Variants in NDUFS1 observed in about 807,000 individuals in gnomAD.
NDUFS1 encodes NADH:ubiquinone oxidoreductase core subunit S1, also known as NADH-ubiquinone oxidoreductase 75 kDa subunit, mitochondrial.
NDUFS1 carries 61 observed loss-of-function variants against 84.4 expected under a neutral mutation model. The observed-to-expected ratio is 0.72, with a 90% CI of 0.59 to 0.89. NDUFS1 has a LOEUF of 0.89. Ranked by LOEUF, NDUFS1 falls within the 40% of genes least tolerant of loss-of-function variation. The pLI, the probability that NDUFS1 is intolerant of heterozygous loss-of-function variation, is 0.00. For synonymous variants in NDUFS1, 275 were observed against 290.0 expected (o/e 0.95, Z 0.53); for missense variants, 891 against 890.0 (o/e 1.00, Z -0.01).
In NDUFS1 at chr2:206,115,535, G is replaced by GT. The variant is rs1559035300; in HGVS notation, c.*8649dup. ...CATGGTCTTCCTGGCCTCCAGAATT[G>GT]TAAGAAGTAAATTTTTTTTTTTTTT... On this transcript the variant is annotated 3_prime_UTR_variant, in exon 19 of 19. Transcript: ENST00000233190. 2.6e-5 allele frequency: 5 copies of GT among 189,584 alleles called. No homozygotes were observed. In the South Asian group the frequency reaches 4.0e-4, roughly 15 times the overall value. 11.7% of individuals were successfully genotyped at this position (189,584 alleles called of 1,614,324 possible).
At chr2:206,150,100 C>T (rs1310472306) in intron 3 of NDUFS1, among the ~76,000 whole-genome samples, 175 bp from the exon 4 acceptor site, 4 of 150,738 alleles carry the variant, frequency 2.7e-5, no homozygotes, top group African/African-American at 9.9e-5. Context: ...TGATTCTAAC[C>T]CGTCTCCTCT....
intron 8 of NDUFS1, 138 bp downstream of exon 8, chr2:206,146,765 A>G (rs1175590303): frequency 1.3e-6 from 1 of 766,290 alleles, no homozygotes; most frequent in Non-Finnish European, 2.1e-6. Context: ...CTTACCTTCT[A>G]TTTAAAGGGT....
At position 206,145,043 on chromosome 2, in the gene NDUFS1, G is replaced by A. The variant is rs766391478; in HGVS notation, c.738-17C>T. On this transcript the variant is annotated splice_polypyrimidine_tract_variant and intron_variant, in intron 8 of 18. Coordinates refer to ENST00000233190, the MANE Select transcript of NDUFS1 (RefSeq NM_005006.7). ...TCTGTCTTTCTGAGAAACACATACG[G>A]TGTTTACTATGGTGCTTTTGGGAAT... 6.2e-6 allele frequency: 10 copies of A among 1,609,012 alleles called. No homozygotes were observed. In the South Asian group the frequency reaches 1.0e-4, roughly 16 times the overall value.
chr2:206,158,975 TTA>T, intron 1 of NDUFS1: 2 of 1,067,444 alleles, frequency 1.9e-6, no homozygotes, highest in South Asian at 2.9e-5. Flanking sequence ...GGGGAAAGGC[TTA>T]GTCTTAAGGC....
intron 18 of NDUFS1, among the ~76,000 whole-genome samples, 178 bp from the exon 19 acceptor site, chr2:206,124,454 C>A (rs1277351441): frequency 2.6e-5 from 4 of 152,110 alleles, no homozygotes; most frequent in African/African-American, 9.7e-5. Context: ...CACATGCTTT[C>A]AATAACTATC....
At chr2:206,154,683 G>T (rs1687563426) in intron 1 of NDUFS1, among the ~76,000 whole-genome samples, 1 of 152,180 alleles carries the variant, frequency 6.6e-6, no homozygotes. Flanking sequence ...GAGTGCACTG[G>T]TGCAATCTCG....
At chr2:206,124,843 A>AAAAT (rs956342580) in intron 18 of NDUFS1, among the ~76,000 whole-genome samples, 50 of 152,100 alleles carry the variant, frequency 3.3e-4, no homozygotes, top group Admixed American at 1.8e-3. Flanking sequence ...TTGTCTCAAA[A>AAAAT]AAATAAATAA....
intron 12 of NDUFS1, among the ~76,000 whole-genome samples, chr2:206,141,615 C>T (rs1331765474): frequency 2.9e-5 from 4 of 138,536 alleles, no homozygotes; most frequent in East Asian, 4.3e-4. Flanking sequence ...AAAAAAGGCT[C>T]GGTGCAGTGG....
In NDUFS1 at chr2:206,147,062, T is replaced by C; in HGVS notation, c.578A>G (p.Asp193Gly). Residue 193 changes from aspartate to glycine, a missense_variant, in exon 8 of 19, where the codon GAT becomes GGT. Transcript: ENST00000233190. ...IRFASEIAGV[D>G]DLGTTGRGND... is the part of the protein sequence containing the mutation. ...TCCTCTGCCTGTTGTTCCCAAATCA[T>C]CTACTCCTGCAATCTCACTTGCAAA... The C allele has an allele frequency of 1.2e-6, 2 of 1,614,120 alleles. No individual in the cohort carries two copies. Among genetic ancestry groups the C allele is most frequent in the South Asian group, 2.2e-5 (2 of 91,080 alleles).
intron 12 of NDUFS1, among the ~76,000 whole-genome samples, chr2:206,140,185 A>T (rs1265508399): frequency 6.6e-6 from 1 of 152,142 alleles, no homozygotes. Flanking sequence ...TCTCTACAAA[A>T]GGTATTTTAA....
intron 2 of NDUFS1, 55 bp downstream of exon 2, chr2:206,153,563 A>C: frequency 1.9e-6 from 2 of 1,065,742 alleles, no homozygotes; most frequent in Non-Finnish European, 2.9e-6. Context: ...TAGACTTATA[A>C]ATTTACAAAA....
chr2:206,139,132 A>T (rs1299449005), intron 12 of NDUFS1, among the ~76,000 whole-genome samples: 1 of 147,090 alleles, frequency 6.8e-6, no homozygotes, highest in Non-Finnish European at 1.5e-5. Context: ...AAAAAATTTA[A>T]AAAAAAAAAA....
chr2:206,147,377 A>G (rs1193699180), intron 7 of NDUFS1, among the ~76,000 whole-genome samples, 154 bp downstream of exon 7: 2 of 152,214 alleles, frequency 1.3e-5, no homozygotes, highest in Non-Finnish European at 2.9e-5. Context: ...GTACTAAATG[A>G]AAGTGAACTT....
chr2:206,138,694 T>C (rs1691819658), intron 12 of NDUFS1, 80 bp from the exon 13 acceptor site: 3 of 1,372,796 alleles, frequency 2.2e-6, no homozygotes, highest in Admixed American at 3.5e-5. Flanking sequence ...GTGATACATC[T>C]ATTTACTATT....
intron 4 of NDUFS1, 72 bp from the exon 5 acceptor site, chr2:206,149,168 AAT>A (rs1575989936): frequency 9.0e-7 from 1 of 1,108,424 alleles, no homozygotes; most frequent in East Asian, 2.5e-5. Flanking sequence ...AATATATAAA[AAT>A]GTTAAATTAT....
Position 206,124,249 on chromosome 2 carries a change from A to G in NDUFS1, c.2120T>C (p.Met707Thr), listed in dbSNP as rs1691195989. ...TDSISRASQT[M>T]AKCVKAVTEG... The stretch of plus-strand genomic sequence containing the variant: ...TGTGACAGCTTTGACACATTTGGCC[A>G]TTGTCTGTGAGGCTCTGCTAATTGA... Residue 707 changes from methionine to threonine, a missense_variant, in exon 19 of 19, where the codon ATG becomes ACG. By Grantham distance (81) the Met-to-Thr change is moderately conservative. Coordinates refer to ENST00000233190, the MANE Select transcript of NDUFS1 (RefSeq NM_005006.7). 3.7e-6 allele frequency: 6 copies of G among 1,613,038 alleles called. No homozygotes were observed. Among genetic ancestry groups the G allele is most frequent in the Non-Finnish European group, 4.2e-6 (5 of 1,178,992 alleles).
chr2:206,138,805 T>C (rs942930344), intron 12 of NDUFS1, among the ~76,000 whole-genome samples, 191 bp from the exon 13 acceptor site: 2 of 152,168 alleles, frequency 1.3e-5, no homozygotes, highest in African/African-American at 4.8e-5. Flanking sequence ...AATTCAGTGA[T>C]TTAATTTGCT....
chr2:206,132,138 T>TA (rs1691537238), intron 14 of NDUFS1, among the ~76,000 whole-genome samples: 1 of 151,046 alleles, frequency 6.6e-6, no homozygotes, highest in Non-Finnish European at 1.5e-5. Flanking sequence ...AAAAATAAAA[T>TA]AAAATATTAC....
At chr2:206,130,948 C>T (rs1187126517) in intron 14 of NDUFS1, among the ~76,000 whole-genome samples, 1 of 152,146 alleles carries the variant, frequency 6.6e-6, no homozygotes, top group African/African-American at 2.4e-5. Context: ...ACTCATTAAA[C>T]TGTAATTCAG....
Sources: gnomAD v4.1 joint callset for allele counts (sites outside exome capture counted in the v4.1 genomes callset) on GRCh38, gnomAD v4.1.1 for gene constraint, MANE v1.5 for transcripts, NCBI Gene and HGNC (gene_info 2026-07-23, HGNC 2026-07-21) for gene names.